VWA8: variants seen among roughly 807,000 people sequenced by gnomAD.
The protein encoded by VWA8 is von Willebrand factor A domain-containing protein 8.
In VWA8, 221 loss-of-function variants were observed where a neutral mutation model predicts 241.5. The observed-to-expected ratio is 0.91, with a 90% CI of 0.82 to 1.02. The LOEUF is 1.02. Among genes scored for constraint, VWA8 ranks in the 50% least tolerant of loss-of-function variants. VWA8 has a pLI of 0.00. For synonymous variants in VWA8, 852 were observed against 827.1 expected (o/e 1.03, Z -0.52); for missense variants, 2,322 against 2,328.7 (o/e 1.00, Z 0.06).
At chr13:41,578,064 G>C (rs941395234) in intron 42 of VWA8, among the ~76,000 whole-genome samples, 2 of 151,904 alleles carry the variant, frequency 1.3e-5, no homozygotes, top group African/African-American at 2.4e-5. Context: ...TATATGCCTA[G>C]GAGAAAAAAA....
intron 38 of VWA8, 55 bp from the exon 39 acceptor site, chr13:41,611,787 A>G: frequency 1.2e-6 from 2 of 1,603,370 alleles, no homozygotes; most frequent in Non-Finnish European, 1.7e-6. Flanking sequence ...CCACAGAACA[A>G]AAGTTGGGTC....
At chr13:41,777,727 G>A (rs1428294113) in intron 20 of VWA8, among the ~76,000 whole-genome samples, 1 of 152,156 alleles carries the variant, frequency 6.6e-6, no homozygotes, top group African/African-American at 2.4e-5. Context: ...AAGATCACTG[G>A]GGCTAGAGTG....
At chr13:41,900,031 C>T (rs1875347310) in intron 4 of VWA8, among the ~76,000 whole-genome samples, 2 of 152,312 alleles carry the variant, frequency 1.3e-5, no homozygotes, top group East Asian at 3.9e-4. Context: ...ACAAAACTGG[C>T]TCACAGCAGG....
At chr13:41,772,182 G>A (rs981805095) in intron 20 of VWA8, among the ~76,000 whole-genome samples, 3 of 152,094 alleles carry the variant, frequency 2.0e-5, no homozygotes, top group African/African-American at 4.8e-5. Context: ...GAGCCACTGC[G>A]CCCGGCCTCC....
At chr13:41,577,789 A>G (rs2044359769) in intron 42 of VWA8, among the ~76,000 whole-genome samples, 1 of 152,224 alleles carries the variant, frequency 6.6e-6, no homozygotes, top group Non-Finnish European at 1.5e-5. Flanking sequence ...TAAGAGGGCT[A>G]TGAATGTGTT....
At chr13:41,805,160 A>G (rs916946186) in intron 17 of VWA8, among the ~76,000 whole-genome samples, 1 of 152,206 alleles carries the variant, frequency 6.6e-6, no homozygotes, top group African/African-American at 2.4e-5. Flanking sequence ...TGTTGTCTTC[A>G]AGAAACACAC....
In VWA8 at chr13:41,685,116, A is replaced by T. The variant is rs746712975; in HGVS notation, c.4258T>A (p.Leu1420Ile). Residue 1420 changes from leucine (L) to isoleucine (I), a missense_variant, in exon 35 of 45, where the codon TTA becomes ATA. By Grantham distance (5) the Leu-to-Ile change is conservative (BLOSUM62 2). Transcript: ENST00000379310. ...ATCCTCACTACCTGATTCGTATCTA[A>T]AAGAGTCACACAATTGCTTTGTTTT... ...TPKQSNCVTL[L>I]DTNQVVRILP... 2.5e-6 allele frequency: 4 copies of T among 1,613,530 alleles called. No homozygotes were observed. The highest frequency in any genetic ancestry group is 3.4e-6 in the Non-Finnish European group (4 of 1,179,750).
intron 40 of VWA8, 137 bp from the exon 41 acceptor site, chr13:41,590,902 A>C: frequency 9.1e-7 from 1 of 1,101,560 alleles, no homozygotes; most frequent in Non-Finnish European, 1.3e-6. Flanking sequence ...CAGTCATATA[A>C]ATGAAGTGGT....
intron 12 of VWA8, among the ~76,000 whole-genome samples, chr13:41,845,679 G>A (rs1872259329): frequency 6.6e-6 from 1 of 152,128 alleles, no homozygotes. Flanking sequence ...CATGGATGGA[G>A]CTGGAAGACA....
intron 12 of VWA8, among the ~76,000 whole-genome samples, chr13:41,851,720 G>A (rs1244643760): frequency 2.6e-5 from 4 of 152,008 alleles, no homozygotes; most frequent in Non-Finnish European, 4.4e-5. Context: ...TCCCAGTCTC[G>A]GGTGTGTCTT....
At chr13:41,637,412 G>A (rs1314124262) in intron 37 of VWA8, among the ~76,000 whole-genome samples, 2 of 112,794 alleles carry the variant, frequency 1.8e-5, no homozygotes, top group African/African-American at 6.8e-5. Flanking sequence ...GGGGCCTGTT[G>A]TGGGGTGGGG....
At chr13:41,864,521 T>A (rs985735381) in intron 12 of VWA8, 1 of 381,894 alleles carries the variant, frequency 2.6e-6, no homozygotes, top group African/African-American at 2.1e-5. Flanking sequence ...AATTCTGATA[T>A]ATGCAACAAC....
chr13:41,763,579 G>C (rs1013292039), intron 20 of VWA8, among the ~76,000 whole-genome samples: 1 of 152,096 alleles, frequency 6.6e-6, no homozygotes, highest in Non-Finnish European at 1.5e-5. Flanking sequence ...ATTACAACTG[G>C]TATGTAAACT....
chr13:41,668,430 A>G (rs12877458), intron 37 of VWA8, among the ~76,000 whole-genome samples: 2,923 of 152,292 alleles, frequency 0.019, 33 homozygotes, highest in South Asian at 0.058. Context: ...TGGAGAACCT[A>G]TTCTCTTTTT....
At chr13:41,819,493 T>C (rs1870855108) in intron 14 of VWA8, 107 bp from the exon 15 acceptor site, 1 of 1,151,284 alleles carries the variant, frequency 8.7e-7, no homozygotes, top group Non-Finnish European at 1.2e-6. Flanking sequence ...CTGTTAATAA[T>C]GTCAATGTTA....
intron 21 of VWA8, among the ~76,000 whole-genome samples, chr13:41,756,489 T>C (rs1418921281): frequency 6.6e-6 from 1 of 151,780 alleles, no homozygotes; most frequent in Non-Finnish European, 1.5e-5. Flanking sequence ...AAAATGACTT[T>C]CTTTTTCCTA....
chr13:41,703,729 G>A (rs1285748483), intron 26 of VWA8, among the ~76,000 whole-genome samples: 3 of 151,630 alleles, frequency 2.0e-5, no homozygotes, highest in African/African-American at 2.4e-5. Context: ...GTAGAGTATA[G>A]GAAAACTTTT....
chr13:41,854,280 C>T (rs1438919643), intron 12 of VWA8, among the ~76,000 whole-genome samples: 2 of 152,038 alleles, frequency 1.3e-5, no homozygotes, highest in African/African-American at 4.8e-5. Flanking sequence ...GAATGGCTGT[C>T]AGTAGCTTGG....
At chr13:41,697,520 T>G (rs2045222852) in intron 29 of VWA8, among the ~76,000 whole-genome samples, 1 of 151,886 alleles carries the variant, frequency 6.6e-6, no homozygotes, top group African/African-American at 2.4e-5. Flanking sequence ...GGAGGTGGGG[T>G]GGGGGCTGTG....
Sources: allele counts gnomAD v4.1 joint callset (sites outside exome capture counted in the v4.1 genomes callset), GRCh38; gene constraint gnomAD v4.1.1; transcripts MANE v1.5; gene names NCBI Gene and HGNC (gene_info 2026-07-23, HGNC 2026-07-21).